Variants in LDLRAD3 observed in about 807,000 individuals in gnomAD.
LDLRAD3 encodes the protein low density lipoprotein receptor class A domain containing 3.
LDLRAD3 carries 20 observed loss-of-function variants against 29.4 expected under a neutral mutation model. That is an observed-to-expected ratio of 0.68 (90% confidence interval 0.48 to 0.99). LDLRAD3 has a LOEUF of 0.99. LDLRAD3 is among the 50% of genes least tolerant of loss of function. LDLRAD3 has a pLI of 0.00. For missense variants in LDLRAD3, 420 were observed against 454.3 expected, an observed-to-expected ratio of 0.92 and a Z score of 0.69; for synonymous variants, 157 against 192.7, an observed-to-expected ratio of 0.81 and a Z score of 1.53.
At chr11:36,103,997 A>C (rs1033375638) in intron 4 of LDLRAD3, among the ~76,000 whole-genome samples, 1 of 152,212 alleles carries the variant, frequency 6.6e-6, no homozygotes, top group African/African-American at 2.4e-5. Context: ...ATGGTAAGAC[A>C]TGAGTGTATG....
At chr11:35,989,507 A>G (rs1851661377) in intron 1 of LDLRAD3, among the ~76,000 whole-genome samples, 1 of 152,196 alleles carries the variant, frequency 6.6e-6, no homozygotes, top group African/African-American at 2.4e-5. Flanking sequence ...ATCCATGAGC[A>G]TGGAAGGTTT....
At chr11:36,130,193 A>G (rs904772604) in intron 4 of LDLRAD3, among the ~76,000 whole-genome samples, 1 of 152,196 alleles carries the variant, frequency 6.6e-6, no homozygotes, top group Admixed American at 6.5e-5. Context: ...AGGACACGAT[A>G]GTAGCACGGT....
At chr11:36,105,678 C>T (rs1282186030) in intron 4 of LDLRAD3, among the ~76,000 whole-genome samples, 1 of 152,112 alleles carries the variant, frequency 6.6e-6, no homozygotes, top group Non-Finnish European at 1.5e-5. Context: ...CAAGGATCAG[C>T]AGAGATCGCC....
intron 1 of LDLRAD3, chr11:36,010,183 A>G (rs770990564): frequency 6.5e-5 from 10 of 154,416 alleles, no homozygotes; most frequent in Admixed American, 1.3e-4. Flanking sequence ...AAATGCAAAC[A>G]AAGTACAGCA....
At position 35,944,149 on chromosome 11, in the gene LDLRAD3, G is replaced by A; in HGVS notation, c.46+5G>A. On this transcript the variant is annotated splice_donor_5th_base_variant and intron_variant, in intron 1 of 5. Transcript: ENST00000315571. The surrounding 1 kb of genome is among the most constrained non-coding windows in gnomAD (Gnocchi z 4.9). Reference sequence around the variant, plus strand: ...TGCTGCTGAGCAGCGCCGCGGGTGAGTCGGGGGGCGGCCGGCGAACTTCCC... The same window carrying A: ...TGCTGCTGAGCAGCGCCGCGGGTGAATCGGGGGGCGGCCGGCGAACTTCCC... 1 of 1,033,984 alleles carries A rather than the reference G, an allele frequency of 9.7e-7. No homozygotes were observed. Among genetic ancestry groups the A allele is most frequent in the East Asian group, 8.3e-5 (1 of 12,046 alleles). 64.1% of individuals were successfully genotyped at this position (1,033,984 alleles called of 1,614,324 possible).
intron 4 of LDLRAD3, chr11:36,183,965 T>G (rs1297424538): frequency 1.4e-4 from 29 of 201,874 alleles, no homozygotes; most frequent in African/African-American, 3.8e-4. Context: ...TATTTCATCT[T>G]TTTTTTTTTT....
rs541579437 is a variant in LDLRAD3, at chr11:36,213,159, A to C, written c.455-13926A>C. On this transcript the variant is annotated intron_variant, in intron 4 of 5. Transcript: ENST00000315571. This position sits in a 1 kb window ranked among gnomAD's most constrained non-coding sequence, Gnocchi z 4.1. ...CTCATTTTGAATTTAATCCTCGGGCACTTGTCTCCCAGCTCTCAATGGTCC... is the reference window on the plus strand; with the variant it reads ...CTCATTTTGAATTTAATCCTCGGGCCCTTGTCTCCCAGCTCTCAATGGTCC... Among the ~76,000 whole-genome samples the C allele has an allele frequency of 6.8e-6, 1 of 146,980 alleles. No homozygotes were observed. Among genetic ancestry groups the C allele is most frequent in the East Asian group, 2.0e-4 (1 of 4,904 alleles).
At chr11:35,947,275 A>C (rs1006113029) in intron 1 of LDLRAD3, among the ~76,000 whole-genome samples, 2 of 152,160 alleles carry the variant, frequency 1.3e-5, no homozygotes, top group African/African-American at 2.4e-5. Flanking sequence ...TTGGGAGGCC[A>C]AGATGTGTGG....
intron 2 of LDLRAD3, among the ~76,000 whole-genome samples, chr11:36,048,569 C>G (rs997211911): frequency 6.6e-6 from 1 of 152,228 alleles, no homozygotes; most frequent in South Asian, 2.1e-4. Flanking sequence ...TTAAGTATCT[C>G]CCAGGAGAAG....
chr11:35,977,075 A>G (rs1232811031), intron 1 of LDLRAD3, among the ~76,000 whole-genome samples: 3 of 152,172 alleles, frequency 2.0e-5, no homozygotes, highest in Non-Finnish European at 2.9e-5. Context: ...TGTTATGCCT[A>G]TTGAGTGGCT....
chr11:36,156,294 A>G (rs553397430), intron 4 of LDLRAD3, among the ~76,000 whole-genome samples: 14 of 152,312 alleles, frequency 9.2e-5, no homozygotes, highest in South Asian at 2.1e-4. Flanking sequence ...ACGATCCCCA[A>G]CTGAAGAGCT....
In LDLRAD3 at chr11:35,963,419, C is replaced by CTG. The variant is rs555627765; in HGVS notation, c.46+19289_46+19290dup. On this transcript the variant is annotated intron_variant, in intron 1 of 5. Coordinates refer to ENST00000315571, the MANE Select transcript of LDLRAD3 (RefSeq NM_174902.4). ...AATTGTTTCCTTGCCTCTCCCAGTT[C>CTG]TGTGTGTGTGTGTGTTTTTTTTTTT... Among the ~76,000 whole-genome samples, 86 of 147,536 alleles carry CTG rather than the reference C, an allele frequency of 5.8e-4. 1 individual carries two copies. The highest frequency in any genetic ancestry group is 5.1e-3 in the East Asian group (25 of 4,876).
At chr11:36,130,350 T>C (rs1308005637) in intron 4 of LDLRAD3, among the ~76,000 whole-genome samples, 1 of 152,052 alleles carries the variant, frequency 6.6e-6, no homozygotes, top group African/African-American at 2.4e-5. Flanking sequence ...ACAAATGAAG[T>C]GTGCAGAGGC....
intron 3 of LDLRAD3, among the ~76,000 whole-genome samples, chr11:36,096,182 A>G (rs920619835): frequency 1.3e-5 from 2 of 152,122 alleles, no homozygotes; most frequent in African/African-American, 4.8e-5. Flanking sequence ...TTCAAATCAA[A>G]CTTTTGGAAT....
intron 2 of LDLRAD3, among the ~76,000 whole-genome samples, chr11:36,050,135 A>G (rs1403213149): frequency 6.6e-6 from 1 of 152,224 alleles, no homozygotes; most frequent in African/African-American, 2.4e-5. Context: ...AATGCTTCAA[A>G]GATGGATTGG....
intron 1 of LDLRAD3, among the ~76,000 whole-genome samples, chr11:35,962,220 T>G (rs1329253134): frequency 6.6e-6 from 1 of 152,148 alleles, no homozygotes; most frequent in African/African-American, 2.4e-5. Context: ...ATCCTCACGT[T>G]TTTGGAGTTT....
At chr11:36,196,609 G>A (rs1855036869) in intron 4 of LDLRAD3, 1 of 152,212 alleles carries the variant, frequency 6.6e-6, no homozygotes, top group South Asian at 2.1e-4. Flanking sequence ...ATGCCAGCAT[G>A]TTGGGTTTTA....
intron 1 of LDLRAD3, among the ~76,000 whole-genome samples, chr11:36,006,363 G>C (rs1373195195): frequency 6.6e-6 from 1 of 152,160 alleles, no homozygotes; most frequent in Non-Finnish European, 1.5e-5. Context: ...GTTTCCTTAA[G>C]GGTGCAGTCA....
intron 4 of LDLRAD3, among the ~76,000 whole-genome samples, chr11:36,158,788 C>CT (rs1165541394): frequency 6.6e-6 from 1 of 151,870 alleles, no homozygotes; most frequent in Non-Finnish European, 1.5e-5. Flanking sequence ...CTACAACTGT[C>CT]TTTTATTTTT....
Sources: gnomAD v4.1 joint callset for allele counts (sites outside exome capture counted in the v4.1 genomes callset) on GRCh38, gnomAD v4.1.1 for gene constraint, Gnocchi (gnomAD v3.1) non-coding constraint, MANE v1.5 for transcripts, NCBI Gene and HGNC (gene_info 2026-07-23, HGNC 2026-07-21) for gene names.